Variants in ARHGAP15 observed in about 807,000 individuals in gnomAD.
ARHGAP15 encodes the protein rho GTPase-activating protein 15.
A neutral mutation model predicts 63.7 loss-of-function variants in ARHGAP15; 51 were observed. The ratio of observed to expected loss-of-function variants is 0.80; its 90% CI spans 0.64 to 1.01. The LOEUF (loss-of-function observed/expected upper bound fraction) is 1.01. Among genes scored for constraint, ARHGAP15 ranks in the 50% least tolerant of loss-of-function variants. ARHGAP15 has a pLI of 0.00. For synonymous variants in ARHGAP15, 191 were observed against 193.8 expected (o/e 0.99, Z 0.12); for missense variants, 560 against 564.6 (o/e 0.99, Z 0.08).
chr2:143,160,834 T>G (rs991472241), intron 2 of ARHGAP15, among the ~76,000 whole-genome samples: 4 of 151,958 alleles, frequency 2.6e-5, no homozygotes, highest in African/African-American at 9.7e-5. Context: ...CAAATTGGAC[T>G]TGCCAAAAGG....
At chr2:143,210,079 A>G (rs1300463986) in intron 3 of ARHGAP15, among the ~76,000 whole-genome samples, 1 of 152,296 alleles carries the variant, frequency 6.6e-6, no homozygotes, top group East Asian at 1.9e-4. Flanking sequence ...AGTTGCCCAG[A>G]CAGTAACCAG....
chr2:143,540,011 G>A (rs1694971448), intron 10 of ARHGAP15, among the ~76,000 whole-genome samples: 1 of 152,188 alleles, frequency 6.6e-6, no homozygotes, highest in African/African-American at 2.4e-5. Context: ...TTGTGTGGGA[G>A]TCTGAGTCTC....
chr2:143,519,835 T>A (rs1310463237), intron 10 of ARHGAP15, among the ~76,000 whole-genome samples: 2 of 152,220 alleles, frequency 1.3e-5, no homozygotes, highest in African/African-American at 4.8e-5. Flanking sequence ...TAACGGGTTT[T>A]TTCAGGAACA....
chr2:143,661,424 A>G (rs1296755531), intron 12 of ARHGAP15, among the ~76,000 whole-genome samples: 1 of 152,250 alleles, frequency 6.6e-6, no homozygotes, highest in East Asian at 1.9e-4. Flanking sequence ...AGAATGTTCA[A>G]TTAATGTCAA....
chr2:143,468,215 T>A (rs1691329777), intron 8 of ARHGAP15, among the ~76,000 whole-genome samples: 1 of 152,020 alleles, frequency 6.6e-6, no homozygotes, highest in Non-Finnish European at 1.5e-5. Context: ...ATTTCCATCT[T>A]ATTCATCATA....
At chr2:143,380,412 CTG>C (rs1558932728) in intron 6 of ARHGAP15, among the ~76,000 whole-genome samples, 1 of 152,124 alleles carries the variant, frequency 6.6e-6, no homozygotes, top group African/African-American at 2.4e-5. Flanking sequence ...ATAAAAGTGA[CTG>C]TAAGTCCAGT....
chr2:143,563,558 G>A (rs1016812419), intron 11 of ARHGAP15, among the ~76,000 whole-genome samples: 3 of 152,058 alleles, frequency 2.0e-5, no homozygotes, highest in East Asian at 1.9e-4. Flanking sequence ...GAAGGGGAGC[G>A]AAGTCTACTG....
At chr2:143,537,748 TG>T (rs1694846850) in intron 10 of ARHGAP15, among the ~76,000 whole-genome samples, 1 of 152,222 alleles carries the variant, frequency 6.6e-6, no homozygotes, top group African/African-American at 2.4e-5. Flanking sequence ...ATCTCTGTTT[TG>T]GTGCCAGTAC....
intron 13 of ARHGAP15, among the ~76,000 whole-genome samples, chr2:143,743,468 A>G (rs1048215881): frequency 2.0e-5 from 3 of 151,950 alleles, no homozygotes; most frequent in Non-Finnish European, 4.4e-5. Flanking sequence ...GACAGTCTCC[A>G]TGTGGTTCCC....
chr2:143,430,776 C>T (rs1574438892), intron 6 of ARHGAP15, among the ~76,000 whole-genome samples: 1 of 152,076 alleles, frequency 6.6e-6, no homozygotes, highest in African/African-American at 2.4e-5. Flanking sequence ...TCTCTCTAAA[C>T]ATAATAGCAA....
chr2:143,286,963 A>G (rs896268991), intron 6 of ARHGAP15, among the ~76,000 whole-genome samples: 1 of 152,110 alleles, frequency 6.6e-6, no homozygotes, highest in Non-Finnish European at 1.5e-5. Flanking sequence ...TGGCCAAAAC[A>G]TTGTTATGTG....
At chr2:143,660,535 C>T (rs1274169769) in intron 12 of ARHGAP15, among the ~76,000 whole-genome samples, 1 of 152,034 alleles carries the variant, frequency 6.6e-6, no homozygotes, top group Non-Finnish European at 1.5e-5. Context: ...AAGAATGAAC[C>T]CTAAAATGAA....
At chr2:143,199,255 A>G (rs536733505) in intron 2 of ARHGAP15, among the ~76,000 whole-genome samples, 1 of 152,184 alleles carries the variant, frequency 6.6e-6, no homozygotes, top group East Asian at 1.9e-4. Flanking sequence ...TTAGACGTTA[A>G]TTGAGCATCA....
At chr2:143,459,230 G>A (rs1690807770) in intron 8 of ARHGAP15, among the ~76,000 whole-genome samples, 1 of 151,960 alleles carries the variant, frequency 6.6e-6, no homozygotes, top group South Asian at 2.1e-4. Flanking sequence ...AGTAGCTAAT[G>A]AAAAAGAGTT....
chr2:143,195,700 C>A (rs1411215052), intron 2 of ARHGAP15, among the ~76,000 whole-genome samples: 2 of 152,124 alleles, frequency 1.3e-5, no homozygotes, highest in East Asian at 3.9e-4. Flanking sequence ...ATGGGAGGTA[C>A]GCCTCAGAAA....
intron 4 of ARHGAP15, among the ~76,000 whole-genome samples, chr2:143,226,054 C>T (rs1693201847): frequency 6.6e-6 from 1 of 152,186 alleles, no homozygotes; most frequent in South Asian, 2.1e-4. Flanking sequence ...CAAAGTAGCA[C>T]CGTACATAAG....
chr2:143,167,076 G>T (rs1690572599), intron 2 of ARHGAP15, among the ~76,000 whole-genome samples: 1 of 152,034 alleles, frequency 6.6e-6, no homozygotes, highest in Non-Finnish European at 1.5e-5. Flanking sequence ...CACGAAAACT[G>T]AACACAGACA....
At chr2:143,277,569 C>T (rs1178848605) in intron 6 of ARHGAP15, among the ~76,000 whole-genome samples, 2 of 151,858 alleles carry the variant, frequency 1.3e-5, no homozygotes, top group Non-Finnish European at 2.9e-5. Context: ...AGAGACTGTA[C>T]TGCCCTGCTT....
intron 6 of ARHGAP15, among the ~76,000 whole-genome samples, chr2:143,385,472 T>C (rs1687240847): frequency 6.6e-6 from 1 of 152,154 alleles, no homozygotes; most frequent in Admixed American, 6.6e-5. Flanking sequence ...CTGTATACAT[T>C]GGAAAGCCTT....
Sources: allele counts gnomAD v4.1 joint callset (sites outside exome capture counted in the v4.1 genomes callset), GRCh38; gene constraint gnomAD v4.1.1; transcripts MANE v1.5; gene names NCBI Gene and HGNC (gene_info 2026-07-23, HGNC 2026-07-21).